CTNND2: variants seen among roughly 807,000 people sequenced by gnomAD.
CTNND2 encodes the protein catenin delta-2.
Under a neutral mutation model 144.4 loss-of-function variants are expected in CTNND2, and 22 were observed. The ratio of observed to expected loss-of-function variants is 0.15; its 90% CI spans 0.11 to 0.22. The LOEUF is 0.22. Ranked by LOEUF, CTNND2 falls within the 10% of genes least tolerant of loss-of-function variation. The pLI, the probability that CTNND2 is intolerant of heterozygous loss-of-function variation, is 1.00. For synonymous variants in CTNND2, 751 were observed against 695.6 expected, an observed-to-expected ratio of 1.08 and a Z score of -1.25; for missense variants, 1,353 against 1,618.8, an observed-to-expected ratio of 0.84 and a Z score of 2.82.
intron 12 of CTNND2, among the ~76,000 whole-genome samples, chr5:11,134,773 T>A (rs1340201668): frequency 6.6e-6 from 1 of 152,244 alleles, no homozygotes; most frequent in Non-Finnish European, 1.5e-5. Context: ...CTTTTCTTGC[T>A]TTACTACTAC....
chr5:11,610,399 C>A (rs776830744), intron 2 of CTNND2, among the ~76,000 whole-genome samples: 3 of 152,154 alleles, frequency 2.0e-5, no homozygotes, highest in Non-Finnish European at 4.4e-5. Flanking sequence ...TTTCACAACC[C>A]TGTAAGGCAT....
At chr5:11,600,409 T>C (rs1348126455) in intron 2 of CTNND2, among the ~76,000 whole-genome samples, 1 of 152,108 alleles carries the variant, frequency 6.6e-6, no homozygotes, top group Non-Finnish European at 1.5e-5. Flanking sequence ...GTGCAAATTT[T>C]TTATATGAAG....
chr5:11,706,036 A>G (rs1430273631), intron 2 of CTNND2, among the ~76,000 whole-genome samples: 8 of 152,212 alleles, frequency 5.3e-5, no homozygotes, highest in Admixed American at 5.2e-4. Flanking sequence ...AGCCTCTAAG[A>G]ACTGAAAGTA....
chr5:11,153,313 T>A (rs1757921130), intron 12 of CTNND2, among the ~76,000 whole-genome samples: 1 of 152,164 alleles, frequency 6.6e-6, no homozygotes. Context: ...GCCCCTCATC[T>A]CTGGCCAAGA....
intron 3 of CTNND2, among the ~76,000 whole-genome samples, chr5:11,496,368 G>A (rs1283270059): frequency 6.6e-6 from 1 of 152,162 alleles, no homozygotes; most frequent in Non-Finnish European, 1.5e-5. Context: ...CTGAGAACAT[G>A]TTTGGCTTCC....
intron 12 of CTNND2, among the ~76,000 whole-genome samples, chr5:11,138,774 C>T (rs1284159773): frequency 6.6e-6 from 1 of 152,146 alleles, no homozygotes; most frequent in Non-Finnish European, 1.5e-5. Flanking sequence ...AGGTTGGTGT[C>T]TTGGCTTATA....
intron 2 of CTNND2, among the ~76,000 whole-genome samples, chr5:11,702,199 C>CA (rs891981263): frequency 6.6e-6 from 1 of 151,874 alleles, no homozygotes; most frequent in Non-Finnish European, 1.5e-5. Flanking sequence ...GTCCTGTGAG[C>CA]AAAAAAATGC....
Position 11,346,220 on chromosome 5 carries a change from AC to A in CTNND2, c.1628+151del, listed in dbSNP as rs1754762044. 5 of 617,168 alleles carry A rather than the reference AC, an allele frequency of 8.1e-6. No homozygotes were observed. The East Asian group carries it at 1.6e-4, about 20-fold the overall frequency. The allele number at this position is 617,168 out of a possible 1,614,324, so 38.2% of individuals were successfully genotyped here. A position where few individuals can be genotyped will look rare whatever the true frequency, so the allele number is the denominator to read the frequency against. On this transcript the variant is annotated intron_variant, in intron 9 of 21. Transcript: ENST00000304623. ...AAGATACTAGGGATCCATTGCAAGCACACACATTCCAAGTCAAACAAAAGAA... is the reference window on the plus strand; with the variant it reads ...AAGATACTAGGGATCCATTGCAAGCAACACATTCCAAGTCAAACAAAAGAA...
rs575679697 is a variant in CTNND2 at position 11,029,687 on chromosome 5, A to G, written c.2789-6708T>C. On this transcript the variant is annotated intron_variant, in intron 16 of 21. Transcript: ENST00000304623. ...AGAAAATTTCTCTTTAATTATGTAGAAAAAAATGTGGAGTTAGGAAACAAA... is the reference window on the plus strand; with the variant it reads ...AGAAAATTTCTCTTTAATTATGTAGGAAAAAATGTGGAGTTAGGAAACAAA... Among the ~76,000 whole-genome samples, 26 of 152,308 alleles carry G rather than the reference A, an allele frequency of 1.7e-4. No individual in the cohort carries two copies. In the East Asian group the frequency reaches 3.5e-3, roughly 20 times the overall value.
At chr5:11,857,912 A>G (rs531021564) in intron 1 of CTNND2, among the ~76,000 whole-genome samples, 1 of 152,352 alleles carries the variant, frequency 6.6e-6, no homozygotes, top group African/African-American at 2.4e-5. Context: ...GCCCATGATC[A>G]GGATGGCTGT....
At chr5:11,240,992 C>CAACACACACACCA (rs1012867111) in intron 9 of CTNND2, among the ~76,000 whole-genome samples, 1 of 147,120 alleles carries the variant, frequency 6.8e-6, no homozygotes, top group Admixed American at 6.8e-5. Flanking sequence ...CACACACACC[C>CAACACACACACCA]AACACACACA....
chr5:11,721,826 C>T (rs1446132864), intron 2 of CTNND2, among the ~76,000 whole-genome samples: 1 of 152,196 alleles, frequency 6.6e-6, no homozygotes, highest in Non-Finnish European at 1.5e-5. Flanking sequence ...TTCCCTGTAG[C>T]CCTGGTCACA....
intron 2 of CTNND2, among the ~76,000 whole-genome samples, chr5:11,681,609 T>C (rs900493366): frequency 6.6e-6 from 1 of 152,210 alleles, no homozygotes; most frequent in African/African-American, 2.4e-5. Flanking sequence ...ATGAATGCAA[T>C]AGAAAGCATA....
chr5:11,438,686 G>A (rs776694172), intron 3 of CTNND2, among the ~76,000 whole-genome samples: 3 of 152,188 alleles, frequency 2.0e-5, no homozygotes, highest in South Asian at 2.1e-4. Context: ...AGATTAACAC[G>A]TTCTCTGAAT....
chr5:11,852,956 T>G (rs928571962), intron 1 of CTNND2, among the ~76,000 whole-genome samples: 3 of 152,214 alleles, frequency 2.0e-5, no homozygotes, highest in Non-Finnish European at 4.4e-5. Flanking sequence ...TGTTTCTCTG[T>G]GTCTCTCTTT....
At chr5:11,251,805 T>C (rs756411592) in intron 9 of CTNND2, among the ~76,000 whole-genome samples, 3 of 152,194 alleles carry the variant, frequency 2.0e-5, no homozygotes, top group Non-Finnish European at 2.9e-5. Flanking sequence ...AGTAGCTAAG[T>C]AAAATAAATA....
chr5:11,675,765 T>C (rs1184526642), intron 2 of CTNND2, among the ~76,000 whole-genome samples: 1 of 152,096 alleles, frequency 6.6e-6, no homozygotes, highest in Non-Finnish European at 1.5e-5. Context: ...TGTGTATATA[T>C]GTGTATGTGT....
intron 3 of CTNND2, among the ~76,000 whole-genome samples, chr5:11,511,712 A>G (rs1021491306): frequency 1.3e-5 from 2 of 152,164 alleles, no homozygotes; most frequent in African/African-American, 4.8e-5. Flanking sequence ...AGACATCTGA[A>G]GAAATCCTCC....
chr5:11,472,484 C>A (rs1767323014), intron 3 of CTNND2, among the ~76,000 whole-genome samples: 1 of 152,128 alleles, frequency 6.6e-6, no homozygotes, highest in South Asian at 2.1e-4. Context: ...AATTAATTGC[C>A]TTTAAATTTG....
Sources: gnomAD v4.1 joint callset for allele counts (sites outside exome capture counted in the v4.1 genomes callset) on GRCh38, gnomAD v4.1.1 for gene constraint, MANE v1.5 for transcripts, NCBI Gene and HGNC (gene_info 2026-07-23, HGNC 2026-07-21) for gene names.